The following VTI1A variants were observed in gnomAD, a reference collection of about 807,000 sequenced individuals.
VTI1A encodes vesicle transport through interaction with t-SNAREs homolog 1A.
In VTI1A, 22 loss-of-function variants were observed where a neutral mutation model predicts 34.9. The ratio of observed to expected loss-of-function variants is 0.63; its 90% CI spans 0.45 to 0.90. The LOEUF (loss-of-function observed/expected upper bound fraction) is 0.90. Among genes scored for constraint, VTI1A ranks in the 40% least tolerant of loss-of-function variants. The pLI is 0.00. For missense variants in VTI1A, 268 were observed against 275.6 expected, an observed-to-expected ratio of 0.97 and a Z score of 0.20; for synonymous variants, 87 against 97.3, an observed-to-expected ratio of 0.89 and a Z score of 0.62.
intron 5 of VTI1A, among the ~76,000 whole-genome samples, chr10:112,636,518 G>A (rs1038074705): frequency 1.3e-5 from 2 of 151,918 alleles, no homozygotes; most frequent in African/African-American, 4.8e-5. Flanking sequence ...AAGGTCAAGA[G>A]ATCGAGACCA....
downstream of VTI1A, among the ~76,000 whole-genome samples, chr10:112,822,843 A>G (rs529092773): frequency 6.6e-6 from 1 of 152,164 alleles, no homozygotes; most frequent in Admixed American, 6.5e-5. Flanking sequence ...CATTCATTCA[A>G]TCAATATTTA....
chr10:112,522,153 AGGAGCAGTTAAATTCTTT>A (rs1458145700), intron 3 of VTI1A, among the ~76,000 whole-genome samples: 6 of 152,122 alleles, frequency 3.9e-5, no homozygotes, highest in African/African-American at 7.2e-5. Context: ...TAATTATAAC[AGGAGCAGTTAAATTCTTT>A]GGAGCAGTTA....
At chr10:112,813,804 C>T (rs1451144623) in intron 7 of VTI1A, among the ~76,000 whole-genome samples, 1 of 152,126 alleles carries the variant, frequency 6.6e-6, no homozygotes, top group Non-Finnish European at 1.5e-5. Context: ...AAGAACTAAA[C>T]GAGACAGATC....
At chr10:112,570,348 A>C (rs1314896189) in intron 5 of VTI1A, among the ~76,000 whole-genome samples, 4 of 152,228 alleles carry the variant, frequency 2.6e-5, no homozygotes, top group South Asian at 2.1e-4. Flanking sequence ...GCAAAGCAGC[A>C]CTTCTTATGG....
intron 5 of VTI1A, among the ~76,000 whole-genome samples, chr10:112,578,030 G>A (rs1032249272): frequency 6.6e-6 from 1 of 152,232 alleles, no homozygotes; most frequent in Non-Finnish European, 1.5e-5. Flanking sequence ...CTATGTAAAT[G>A]TGAAGTAACT....
At chr10:112,819,130 T>C (rs532218725), downstream of VTI1A, among the ~76,000 whole-genome samples, 17 of 152,336 alleles carry the variant, frequency 1.1e-4, no homozygotes, top group East Asian at 3.3e-3. Flanking sequence ...TCAGCAGGCG[T>C]TCTTCATGGA....
At chr10:112,693,985 G>A (rs952287540) in intron 7 of VTI1A, among the ~76,000 whole-genome samples, 1 of 152,086 alleles carries the variant, frequency 6.6e-6, no homozygotes, top group African/African-American at 2.4e-5. Flanking sequence ...AAGGTGGGCG[G>A]ATCACAAGGT....
intron 4 of VTI1A, among the ~76,000 whole-genome samples, chr10:112,529,991 T>G (rs895028261): frequency 6.6e-6 from 1 of 152,142 alleles, no homozygotes; most frequent in African/African-American, 2.4e-5. Flanking sequence ...ATAAAGTATG[T>G]TAATTTACTC....
At chr10:112,769,828 G>A (rs918535892) in intron 7 of VTI1A, among the ~76,000 whole-genome samples, 10 of 152,124 alleles carry the variant, frequency 6.6e-5, no homozygotes, top group Non-Finnish European at 1.2e-4. Context: ...CCAGGTCAGA[G>A]GTGGCATATT....
At chr10:112,684,437 C>CTT (rs35671432) in intron 7 of VTI1A, among the ~76,000 whole-genome samples, 3,537 of 123,412 alleles carry the variant, frequency 0.029, 277 homozygotes, top group African/African-American at 0.092. Context: ...ATGCTCATCT[C>CTT]TTTTTTTTTT....
rs531806099 is a variant in VTI1A at position 112,625,758 on chromosome 10, G to A, written c.428-42460G>A. On this transcript the variant is annotated intron_variant, in intron 5 of 7. Coordinates refer to ENST00000393077, the MANE Select transcript of VTI1A (RefSeq NM_145206.4). ...GACTTTGGGGACTTAGGGGGAAAGG[G>A]TGGGAAGGGGATGAGAGATAAAAGA... is the stretch of plus-strand genomic sequence containing the variant. Among the ~76,000 whole-genome samples, 28 of 152,268 alleles carry A rather than the reference G, an allele frequency of 1.8e-4. No homozygotes were observed. The South Asian group carries it at 5.6e-3, about 30-fold the overall frequency.
At chr10:112,481,593 A>AT (rs1030646464) in intron 3 of VTI1A, among the ~76,000 whole-genome samples, 9 of 152,046 alleles carry the variant, frequency 5.9e-5, no homozygotes, top group African/African-American at 1.2e-4. Flanking sequence ...ATATATGTCC[A>AT]TTTTTTTTCT....
chr10:112,721,316 C>T (rs1849800443), intron 7 of VTI1A, among the ~76,000 whole-genome samples: 1 of 152,210 alleles, frequency 6.6e-6, no homozygotes, highest in Non-Finnish European at 1.5e-5. Context: ...CCATAGTTAA[C>T]AGTTATTTAG....
the VTI1A span, among the ~76,000 whole-genome samples, chr10:112,846,788 AAG>A: frequency 4.0e-4 from 61 of 151,784 alleles, no homozygotes; most frequent in African/African-American, 1.4e-3. Flanking sequence ...AAAAAGAAAA[AAG>A]AAATATGGCC....
intron 7 of VTI1A, among the ~76,000 whole-genome samples, chr10:112,788,670 T>C (rs901601943): frequency 6.6e-6 from 1 of 152,160 alleles, no homozygotes; most frequent in Non-Finnish European, 1.5e-5. Flanking sequence ...ACATGTGATT[T>C]TTTTTAGTCC....
chr10:112,507,873 ATC>A (rs1849484572), intron 3 of VTI1A, among the ~76,000 whole-genome samples: 1 of 152,080 alleles, frequency 6.6e-6, no homozygotes, highest in Non-Finnish European at 1.5e-5. Flanking sequence ...TCTTACTTAG[ATC>A]TGTGGAGGTT....
chr10:112,713,464 G>A (rs1849500621), intron 7 of VTI1A, among the ~76,000 whole-genome samples: 1 of 150,988 alleles, frequency 6.6e-6, no homozygotes, highest in Non-Finnish European at 1.5e-5. Context: ...TATAAGGGAG[G>A]CATTATTATT....
intron 7 of VTI1A, among the ~76,000 whole-genome samples, chr10:112,735,281 G>A (rs1850412557): frequency 6.6e-6 from 1 of 152,160 alleles, no homozygotes; most frequent in Non-Finnish European, 1.5e-5. Context: ...GCCAAATCCT[G>A]TACACTTGTT....
At chr10:112,722,766 G>T (rs1228054598) in intron 7 of VTI1A, among the ~76,000 whole-genome samples, 1 of 152,058 alleles carries the variant, frequency 6.6e-6, no homozygotes, top group Non-Finnish European at 1.5e-5. Flanking sequence ...CCAGATACTG[G>T]TGGGTTCCCA....
Sources: allele counts gnomAD v4.1 joint callset (sites outside exome capture counted in the v4.1 genomes callset), GRCh38; gene constraint gnomAD v4.1.1; transcripts MANE v1.5; gene names NCBI Gene and HGNC (gene_info 2026-07-23, HGNC 2026-07-21).